Variants in CAMTA1 observed in about 807,000 individuals in gnomAD.
CAMTA1 encodes calmodulin binding transcription activator 1, also known as calmodulin-binding transcription activator 1.
A neutral mutation model predicts 170.9 loss-of-function variants in CAMTA1; 27 were observed. The ratio of observed to expected loss-of-function variants is 0.16; its 90% CI spans 0.12 to 0.22. The LOEUF (loss-of-function observed/expected upper bound fraction) is 0.22, where lower values mean the gene tolerates loss of function less well. Ranked by LOEUF, CAMTA1 falls within the 10% of genes least tolerant of loss-of-function variation. The pLI is 1.00. For missense variants in CAMTA1, 1,619 were observed against 2,217.2 expected, an observed-to-expected ratio of 0.73 and a Z score of 5.42; for synonymous variants, 833 against 891.5, an observed-to-expected ratio of 0.93 and a Z score of 1.17.
chr1:6,959,502 G>C (rs1219645653), intron 3 of CAMTA1, among the ~76,000 whole-genome samples: 1 of 67,344 alleles, frequency 1.5e-5, no homozygotes, highest in Admixed American at 1.6e-4. Flanking sequence ...ACCGGGTCCC[G>C]GGCAGGGGAT....
chr1:7,385,700 C>T (rs1441487661), intron 5 of CAMTA1, among the ~76,000 whole-genome samples: 1 of 152,194 alleles, frequency 6.6e-6, no homozygotes, highest in Non-Finnish European at 1.5e-5. Context: ...GCGTGCTCCA[C>T]CCAGCACGAT....
At chr1:7,513,856 A>G (rs2094239495) in intron 6 of CAMTA1, among the ~76,000 whole-genome samples, 1 of 152,202 alleles carries the variant, frequency 6.6e-6, no homozygotes, top group African/African-American at 2.4e-5. Flanking sequence ...TGGGAGGCAG[A>G]GGTTGCAGTG....
intron 5 of CAMTA1, among the ~76,000 whole-genome samples, chr1:7,269,342 T>C (rs1669360407): frequency 1.3e-5 from 2 of 152,262 alleles, no homozygotes; most frequent in South Asian, 2.1e-4. Flanking sequence ...ACCTCCAATA[T>C]GGCAGGTTGC....
At chr1:7,317,850 G>A (rs1677764918) in intron 5 of CAMTA1, among the ~76,000 whole-genome samples, 1 of 152,214 alleles carries the variant, frequency 6.6e-6, no homozygotes. Context: ...AATAATAATT[G>A]TAAAGTGACC....
intron 4 of CAMTA1, among the ~76,000 whole-genome samples, chr1:7,125,724 G>A (rs1644893037): frequency 1.3e-5 from 2 of 152,146 alleles, no homozygotes; most frequent in South Asian, 2.1e-4. Flanking sequence ...CATGTAGGGT[G>A]AGAGGGGCTG....
chr1:6,870,063 G>A (rs1348585932), intron 3 of CAMTA1, among the ~76,000 whole-genome samples: 3 of 151,990 alleles, frequency 2.0e-5, no homozygotes, highest in South Asian at 2.1e-4. Flanking sequence ...GATTTGAACC[G>A]GTTTACTTTT....
At chr1:7,043,046 G>A (rs530885157) in intron 3 of CAMTA1, among the ~76,000 whole-genome samples, 1 of 152,316 alleles carries the variant, frequency 6.6e-6, no homozygotes, top group South Asian at 2.1e-4. Flanking sequence ...TCTGGGGCAT[G>A]GACACGCAGC....
intron 5 of CAMTA1, among the ~76,000 whole-genome samples, chr1:7,390,246 G>A (rs555409198): frequency 1.3e-5 from 2 of 152,248 alleles, no homozygotes; most frequent in South Asian, 2.1e-4. Context: ...GGGTTCACAG[G>A]GCCAGAGCAA....
chr1:7,632,194 A>G (rs2095674592), intron 6 of CAMTA1, among the ~76,000 whole-genome samples: 2 of 152,226 alleles, frequency 1.3e-5, no homozygotes, highest in African/African-American at 4.8e-5. Context: ...CGGAATATGT[A>G]TAAATGGTGC....
In CAMTA1 at chr1:7,136,213, T is replaced by G. The variant is rs562562507; in HGVS notation, c.302+44842T>G. 2.7e-4 allele frequency among the ~76,000 whole-genome samples: 41 copies of G among 152,202 alleles called. 1 individual carries two copies. Among genetic ancestry groups the G allele is most frequent in the Non-Finnish European group, 5.4e-4 (37 of 68,032 alleles). On this transcript the variant is annotated intron_variant, in intron 4 of 22. Transcript: ENST00000303635. ...CACACTCTCAGCTTTTGGCCCTGCT[T>G]CTTATTTCTCTGGGGGAATGGAACA...
At chr1:7,557,185 G>A (rs926818851) in intron 6 of CAMTA1, among the ~76,000 whole-genome samples, 42 of 152,144 alleles carry the variant, frequency 2.8e-4, no homozygotes, top group African/African-American at 1.0e-3. Context: ...GTGTGTGCCT[G>A]TAATCCCAGC....
chr1:7,428,692 C>CCCTCT (rs2091997254), intron 5 of CAMTA1, among the ~76,000 whole-genome samples: 1 of 152,142 alleles, frequency 6.6e-6, no homozygotes, highest in African/African-American at 2.4e-5. Context: ...GGATGACATC[C>CCCTCT]CCTCTCCCTC....
intron 4 of CAMTA1, among the ~76,000 whole-genome samples, chr1:7,241,393 G>T (rs1012015652): frequency 6.6e-6 from 1 of 152,178 alleles, no homozygotes; most frequent in African/African-American, 2.4e-5. Flanking sequence ...TCTAGATTCA[G>T]TACAACTCCA....
intron 5 of CAMTA1, among the ~76,000 whole-genome samples, chr1:7,298,279 G>A (rs540517619): frequency 6.6e-6 from 1 of 152,102 alleles, no homozygotes; most frequent in Admixed American, 6.5e-5. Flanking sequence ...ATAACAGTAG[G>A]GGCTGCATTG....
Position 7,664,941 on chromosome 1 carries a change from G to T in CAMTA1, c.2394G>T (p.Gly798=). Residue 798 remains glycine (G), a synonymous_variant, in exon 9 of 23, where the codon GGG becomes GGT. Transcript: ENST00000303635. The part of the protein sequence containing the change: ...STIYGHQLVS[G]DSTALSQSED... ...TCTATGGGCACCAGCTGGTGTCGGG[G>T]GACAGCACGGCGCTCTCACAGTCAG... 6.2e-7 allele frequency: 1 copy of T among 1,613,070 alleles called. No individual in the cohort carries two copies. Among genetic ancestry groups the T allele is most frequent in the South Asian group, 1.1e-5 (1 of 91,086 alleles).
intron 6 of CAMTA1, among the ~76,000 whole-genome samples, chr1:7,483,980 T>C (rs1177188272): frequency 2.0e-5 from 3 of 152,198 alleles, no homozygotes; most frequent in Non-Finnish European, 4.4e-5. Flanking sequence ...CCAGGGAGAC[T>C]GGGGGAGCCC....
intron 1 of CAMTA1, among the ~76,000 whole-genome samples, chr1:6,792,566 C>T (rs1641424426): frequency 6.6e-6 from 1 of 151,934 alleles, no homozygotes; most frequent in Non-Finnish European, 1.5e-5. Context: ...CATTATTTCC[C>T]CTTTTGCTCT....
At chr1:7,695,576 T>G (rs942441770) in intron 11 of CAMTA1, among the ~76,000 whole-genome samples, 2 of 152,184 alleles carry the variant, frequency 1.3e-5, no homozygotes, top group Non-Finnish European at 2.9e-5. Flanking sequence ...ACATAGGTGC[T>G]TCTTAGGCCC....
chr1:7,046,094 C>T (rs1200763162), intron 3 of CAMTA1, among the ~76,000 whole-genome samples: 1 of 152,214 alleles, frequency 6.6e-6, no homozygotes, highest in East Asian at 1.9e-4. Context: ...TCTTCTCTGA[C>T]CTCTCTCAGT....
Sources: allele counts gnomAD v4.1 joint callset (sites outside exome capture counted in the v4.1 genomes callset), GRCh38; gene constraint gnomAD v4.1.1; transcripts MANE v1.5; gene names NCBI Gene and HGNC (gene_info 2026-07-23, HGNC 2026-07-21).